The following GZF1 variants were observed in gnomAD, a reference collection of about 807,000 sequenced individuals.
GZF1 encodes GDNF-inducible zinc finger protein 1.
Under a neutral mutation model 49.4 loss-of-function variants are expected in GZF1, and 28 were observed. The observed-to-expected ratio is 0.57, with a 90% confidence interval of 0.42 to 0.78. The LOEUF is 0.78. GZF1 is among the 30% of genes least tolerant of loss of function. The probability of loss-of-function intolerance (pLI) is 0.00; values close to 1 mark genes in which losing one functional copy is unlikely to be tolerated. For missense variants in GZF1, 798 were observed against 916.2 expected (o/e 0.87, Z 1.67); for synonymous variants, 364 against 356.0 (o/e 1.02, Z -0.25).
In GZF1 at chr20:23,365,764, C is replaced by G. The variant is rs774211210; in HGVS notation, c.1364+17C>G. The stretch of plus-strand genomic sequence containing the variant: ...GCACATGAGGTACGCGGGGAGCCGT[C>G]CGGAGGGGTCCCTGCGCACTGGAAG... On this transcript the variant is annotated intron_variant, in intron 2 of 5. Transcript: ENST00000338121. 2.0e-6 allele frequency: 3 copies of G among 1,501,278 alleles called. No homozygotes were observed. The highest frequency in any genetic ancestry group is 1.3e-5 in the South Asian group (1 of 76,066). The allele number at this position is 1,501,278 out of a possible 1,614,324, so 93.0% of individuals were successfully genotyped here. A position where few individuals can be genotyped will look rare whatever the true frequency, so the allele number is the denominator to read the frequency against.
At position 23,367,090 on chromosome 20, in the gene GZF1, T is replaced by G; in HGVS notation, c.1452T>G (p.Cys484Trp). 6.3e-7 allele frequency: 1 copy of G among 1,595,740 alleles called. No homozygotes were observed. The highest frequency in any genetic ancestry group is 8.6e-7 in the Non-Finnish European group (1 of 1,164,452). The part of the protein sequence containing the change: ...QNHMLIYHKR[C>W]HTGERPFMCE... The stretch of plus-strand genomic sequence containing the variant: ...ACATGCTGATTTATCATAAAAGGTG[T>G]CACACAGGTAAATACTCATGCTGTT... The change falls in exon 3 of 6, where the codon TGT becomes TGG. Residue 484 changes from cysteine (C) to tryptophan (W), a missense_variant. Cys to Trp is a radical substitution (Grantham distance 215, BLOSUM62 -2). This residue lies in a region of GZF1 where 446 missense variants were observed against 540.1 expected (regional missense o/e 0.83). Coordinates refer to ENST00000338121, the MANE Select transcript of GZF1 (RefSeq NM_022482.5).
At chr20:23,369,316 T>C (rs1360771971) in intron 4 of GZF1, among the ~76,000 whole-genome samples, 1 of 152,230 alleles carries the variant, frequency 6.6e-6, no homozygotes, top group East Asian at 1.9e-4. Context: ...TATACTCCAT[T>C]ACCATGGAAA....
rs1168500385 is a variant in GZF1, at chr20:23,362,205, G to C, written c.-54G>C. On this transcript the variant is annotated 5_prime_UTR_variant, in exon 1 of 6. Coordinates refer to ENST00000338121, the MANE Select transcript of GZF1 (RefSeq NM_022482.5). Reference sequence around the variant, plus strand: ...CCGTTCCTACCGGCCTGGTCCAGCGGACAGCGGCTGCAGCGGGGGCGCCGG... The same window carrying C: ...CCGTTCCTACCGGCCTGGTCCAGCGCACAGCGGCTGCAGCGGGGGCGCCGG... 1 of 152,198 alleles carries C rather than the reference G, an allele frequency of 6.6e-6. No individual in the cohort carries two copies. Among genetic ancestry groups the C allele is most frequent in the South Asian group, 2.1e-4 (1 of 4,834 alleles). 9.4% of individuals were successfully genotyped at this position (152,198 alleles called of 1,614,324 possible). A position where few individuals can be genotyped will look rare whatever the true frequency, so the allele number is the denominator to read the frequency against.
In GZF1 at chr20:23,364,475, G is replaced by GTGAC; in HGVS notation, c.93_96dup (p.Val33Ter). ...GAGCTTCGCCTCCTGGGTCACCTGT[G>GTGAC]TGACGTGACAGTCAGCGTGGAGTAT... On this transcript the variant is annotated frameshift_variant, in exon 2 of 6. Transcript: ENST00000338121. LOFTEE classifies it high-confidence loss of function. 6.2e-7 allele frequency: 1 copy of GTGAC among 1,614,230 alleles called. No individual in the cohort carries two copies.
At chr20:23,362,309 G>GTGGTT (rs1346623470) in intron 1 of GZF1, 72 bp downstream of exon 1, 1 of 152,352 alleles carries the variant, frequency 6.6e-6, no homozygotes, top group Non-Finnish European at 1.5e-5. Context: ...CGCGCGCCCC[G>GTGGTT]GCTGCTCTGT....
chr20:23,365,455 G>T lies in GZF1; in HGVS notation c.1072G>T (p.Ala358Ser). 2 of 1,613,688 alleles carry T rather than the reference G, an allele frequency of 1.2e-6. No individual in the cohort carries two copies. The highest frequency in any genetic ancestry group is 1.7e-6 in the Non-Finnish European group (2 of 1,180,032). The change falls in exon 2 of 6, where the codon GCC (alanine) becomes TCC (serine). Residue 358 changes from alanine (A) to serine (S), a missense_variant. Transcript: ENST00000338121. ...YRCDTCGQTF[A>S]NRCNLKSHQR... ...CTGCGACACCTGCGGCCAGACCTTC[G>T]CCAACCGCTGCAACCTGAAGAGCCA...
chr20:23,367,086 G>C lies in GZF1; in HGVS notation c.1448G>C (p.Arg483Thr). 1 of 1,603,716 alleles carries C rather than the reference G, an allele frequency of 6.2e-7. No homozygotes were observed. The highest frequency in any genetic ancestry group is 8.5e-7 in the Non-Finnish European group (1 of 1,171,672). The change falls in exon 3 of 6, where the codon AGG (arginine) becomes ACG (threonine). Residue 483 changes from arginine (R) to threonine (T), a missense_variant. Physicochemically the swap from Arg to Thr is moderately conservative, Grantham distance 71. Around this residue, in one of 3 missense-constraint regions of GZF1, gnomAD observed 446 missense variants for 540.1 expected, o/e 0.83. Coordinates refer to ENST00000338121, the MANE Select transcript of GZF1 (RefSeq NM_022482.5). Reference protein sequence around the residue: ...TQNHMLIYHKRCHTGERPFMC... With the variant: ...TQNHMLIYHKTCHTGERPFMC... Reference sequence around the variant, plus strand: ...AACCACATGCTGATTTATCATAAAAGGTGTCACACAGGTAAATACTCATGC... The same window carrying C: ...AACCACATGCTGATTTATCATAAAACGTGTCACACAGGTAAATACTCATGC...
In GZF1 at chr20:23,370,202, A is replaced by C; in HGVS notation, c.1897A>C (p.Lys633Gln). The C allele has an allele frequency of 1.2e-6, 2 of 1,614,232 alleles. No individual in the cohort carries two copies. The highest frequency in any genetic ancestry group is 1.7e-6 in the Non-Finnish European group (2 of 1,180,036). The change falls in exon 6 of 6, where the codon AAG becomes CAG. Residue 633 changes from lysine to glutamine, a missense_variant. This residue lies in a region of GZF1 where 446 missense variants were observed against 540.1 expected (regional missense o/e 0.83). Transcript: ENST00000338121. ...EQPDEEYVSS[K>Q]LSDKLLSFAE... ...GCCTGACGAAGAGTATGTGTCATCC[A>C]AGCTTTCGGATAAATTGCTGTCTTT...
rs776958257 is a variant in GZF1 at position 23,365,772 on chromosome 20, G to A, written c.1364+25G>A. On this transcript the variant is annotated intron_variant, in intron 2 of 5. Coordinates refer to ENST00000338121, the MANE Select transcript of GZF1 (RefSeq NM_022482.5). ...GGTACGCGGGGAGCCGTCCGGAGGG[G>A]TCCCTGCGCACTGGAAGGGTGTGTC... The A allele has an allele frequency of 8.1e-6, 12 of 1,490,238 alleles. No homozygotes were observed. The Middle Eastern group carries it at 7.1e-4, about 89-fold the overall frequency. 92.3% of individuals were successfully genotyped at this position (1,490,238 alleles called of 1,614,324 possible).
In GZF1 at chr20:23,364,225, T is replaced by C. The variant is rs552518004; in HGVS notation, c.-21-138T>C. ...TTTAGAAAACTGCTAAGAAGTAAAATGTCATTCGAATCTTTACCTGAGTAA... is the reference window on the plus strand; with the variant it reads ...TTTAGAAAACTGCTAAGAAGTAAAACGTCATTCGAATCTTTACCTGAGTAA... On this transcript the variant is annotated intron_variant, in intron 1 of 5. Transcript: ENST00000338121. 39 of 530,484 alleles carry C rather than the reference T, an allele frequency of 7.4e-5. No individual in the cohort carries two copies. In the Admixed American group the frequency reaches 1.1e-3, roughly 15 times the overall value. 32.9% of individuals were successfully genotyped at this position (530,484 alleles called of 1,614,324 possible).
Position 23,364,612 on chromosome 20 carries a change from G to A in GZF1, c.229G>A (p.Val77Ile). Residue 77 changes from valine to isoleucine, a missense_variant, in exon 2 of 6, where the codon GTC becomes ATC. Physicochemically the swap from Val to Ile is conservative, Grantham distance 29. Around this residue, in one of 3 missense-constraint regions of GZF1, gnomAD observed 105 missense variants for 147.5 expected, o/e 0.71. Coordinates refer to ENST00000338121, the MANE Select transcript of GZF1 (RefSeq NM_022482.5). ...GAGTGTGGATGGTACTAGGACTAAT[G>A]TCTACTTAAATGAAGTGCAGGTTGC... Reference protein sequence around the residue: ...EKSVDGTRTNVYLNEVQVADF... With the variant: ...EKSVDGTRTNIYLNEVQVADF... 1 of 1,614,220 alleles carries A rather than the reference G, an allele frequency of 6.2e-7. No homozygotes were observed. Among genetic ancestry groups the A allele is most frequent in the Non-Finnish European group, 8.5e-7 (1 of 1,180,034 alleles).
chr20:23,362,916 T>G (rs990097962), intron 1 of GZF1: 2 of 152,310 alleles, frequency 1.3e-5, no homozygotes, highest in Non-Finnish European at 2.9e-5. Flanking sequence ...GAGAGCCCTC[T>G]GCAGTCTTGT....
chr20:23,365,777 T>A, intron 2 of GZF1, 30 bp downstream of exon 2: 1 of 1,484,378 alleles, frequency 6.7e-7, no homozygotes, highest in Non-Finnish European at 8.9e-7. Flanking sequence ...GAGGGGTCCC[T>A]GCGCACTGGA....
chr20:23,365,914 G>A (rs1981308000), intron 2 of GZF1, among the ~76,000 whole-genome samples, 167 bp downstream of exon 2: 1 of 152,258 alleles, frequency 6.6e-6, no homozygotes, highest in Non-Finnish European at 1.5e-5. Flanking sequence ...GGCTGCGAGT[G>A]ATGGCTCTGC....
intron 3 of GZF1, among the ~76,000 whole-genome samples, 179 bp downstream of exon 3, chr20:23,367,276 C>T (rs1169116199): frequency 2.0e-5 from 3 of 152,138 alleles, no homozygotes; most frequent in African/African-American, 4.8e-5. Context: ...TGCTAGTGTG[C>T]ACATGGCTGT....
upstream of GZF1, chr20:23,362,055 C>A (rs1048634413): frequency 6.6e-6 from 1 of 152,196 alleles, no homozygotes; most frequent in Non-Finnish European, 1.5e-5. Flanking sequence ...CTCCGCCGCC[C>A]GACGTGTGGC....
At chr20:23,363,358 G>A (rs1980919219) in intron 1 of GZF1, 3 of 152,460 alleles carry the variant, frequency 2.0e-5, no homozygotes, top group Admixed American at 1.3e-4. Flanking sequence ...AACACATTCA[G>A]GGAGTTTGTG....
rs1338294812 is a variant in GZF1 at position 23,371,325 on chromosome 20, C to G, written c.*884C>G. 6.6e-6 allele frequency: 1 copy of G among 152,590 alleles called. No homozygotes were observed. The highest frequency in any genetic ancestry group is 1.5e-5 in the Non-Finnish European group (1 of 68,036). 9.5% of individuals were successfully genotyped at this position (152,590 alleles called of 1,614,324 possible). A position where few individuals can be genotyped will look rare whatever the true frequency, so the allele number is the denominator to read the frequency against. ...GGTGACTGTGGCAAATTATAGAACA[C>G]AGAGTATTATTACTTTTGCCAGGTT... On this transcript the variant is annotated 3_prime_UTR_variant, in exon 6 of 6. Coordinates refer to ENST00000338121, the MANE Select transcript of GZF1 (RefSeq NM_022482.5).
In GZF1 at chr20:23,364,686, G is replaced by A; in HGVS notation, c.303G>A (p.Val101=). Residue 101 remains valine, a synonymous_variant, in exon 2 of 6, where the codon GTG becomes GTA. Coordinates refer to ENST00000338121, the MANE Select transcript of GZF1 (RefSeq NM_022482.5). ...TTGTCTACACTGCAAAGGTACAGGT[G>A]GAAGAAGATCGGGTGCAGCGAATGC... ...LEFVYTAKVQ[V]EEDRVQRMLE... The A allele has an allele frequency of 6.2e-7, 1 of 1,614,256 alleles. No individual in the cohort carries two copies. Among genetic ancestry groups the A allele is most frequent in the East Asian group, 2.2e-5 (1 of 44,888 alleles).
Sources: allele counts gnomAD v4.1 joint callset (sites outside exome capture counted in the v4.1 genomes callset), GRCh38; gene constraint gnomAD v4.1.1; regional missense constraint gnomAD v4.1.1; transcripts MANE v1.5; gene names NCBI Gene and HGNC (gene_info 2026-07-23, HGNC 2026-07-21).